Variants in NT5DC1 observed in about 807,000 individuals in gnomAD.
NT5DC1 encodes the protein 5'-nucleotidase domain containing 1.
Under a neutral mutation model 59.4 loss-of-function variants are expected in NT5DC1, and 42 were observed. That is an observed-to-expected ratio of 0.71 (90% confidence interval 0.55 to 0.92). The LOEUF (loss-of-function observed/expected upper bound fraction) is 0.92, where lower values mean the gene tolerates loss of function less well. Ranked by LOEUF, NT5DC1 falls within the 40% of genes least tolerant of loss-of-function variation. NT5DC1 has a pLI of 0.00. For missense variants in NT5DC1, 501 were observed against 537.1 expected, an observed-to-expected ratio of 0.93 and a Z score of 0.66; for synonymous variants, 172 against 188.1, an observed-to-expected ratio of 0.91 and a Z score of 0.70.
chr6:116,162,978 TTAG>T (rs1780371419), intron 6 of NT5DC1, among the ~76,000 whole-genome samples: 1 of 151,460 alleles, frequency 6.6e-6, no homozygotes, highest in African/African-American at 2.4e-5. Context: ...ATACAAAAAA[TTAG>T]CCAGGCGTGG....
At chr6:116,176,034 A>T (rs749214215) in intron 6 of NT5DC1, among the ~76,000 whole-genome samples, 29 of 152,160 alleles carry the variant, frequency 1.9e-4, no homozygotes, top group Non-Finnish European at 3.7e-4. Context: ...TTAGGCACTG[A>T]GGCAAACAGT....
intron 6 of NT5DC1, among the ~76,000 whole-genome samples, chr6:116,123,776 CTTTTCATTTGTTAAGATA>C (rs769466177): frequency 4.2e-4 from 64 of 152,206 alleles, no homozygotes; most frequent in Non-Finnish European, 8.2e-4. Context: ...AGCTTCTGAA[CTTTTCATTTGTTAAGATA>C]TTTTCATTTG....
At chr6:116,140,203 C>G (rs889963157) in intron 6 of NT5DC1, among the ~76,000 whole-genome samples, 5 of 152,164 alleles carry the variant, frequency 3.3e-5, no homozygotes, top group African/African-American at 1.2e-4. Context: ...TATTCCTCTT[C>G]TGTTTAATTT....
intron 8 of NT5DC1, among the ~76,000 whole-genome samples, chr6:116,227,351 A>G (rs1781930581): frequency 6.6e-6 from 1 of 152,060 alleles, no homozygotes; most frequent in Non-Finnish European, 1.5e-5. Flanking sequence ...TATATACCAT[A>G]TTTTCTTTAT....
chr6:116,110,825 A>G lies in NT5DC1; in HGVS notation c.258-25A>G, dbSNP rs371230771. On this transcript the variant is annotated intron_variant, in intron 3 of 11. Transcript: ENST00000319550. ...GGCATTCAAGGAACCATTAATGAGC[A>G]ATGTGCCTCCTCTCTCAAAATCAGG... The G allele has an allele frequency of 5.5e-5, 83 of 1,506,706 alleles. 1 individual carries two copies. The Admixed American group carries it at 6.3e-4, about 12-fold the overall frequency. 93.3% of individuals were successfully genotyped at this position (1,506,706 alleles called of 1,614,324 possible).
intron 6 of NT5DC1, among the ~76,000 whole-genome samples, chr6:116,199,089 C>T (rs1275325839): frequency 6.6e-6 from 1 of 151,974 alleles, no homozygotes; most frequent in Non-Finnish European, 1.5e-5. Context: ...CCTCCACCCA[C>T]CAGAAATTGC....
intron 6 of NT5DC1, among the ~76,000 whole-genome samples, chr6:116,144,273 C>A (rs150489039): frequency 5.3e-5 from 8 of 152,072 alleles, no homozygotes; most frequent in South Asian, 4.1e-4. Flanking sequence ...GAGGCCGAGG[C>A]GGGCGGATCA....
At chr6:116,144,104 C>T (rs560553012) in intron 6 of NT5DC1, among the ~76,000 whole-genome samples, 1 of 152,146 alleles carries the variant, frequency 6.6e-6, no homozygotes. Context: ...TTGGTGGTGT[C>T]GGGTATTCTG....
intron 6 of NT5DC1, among the ~76,000 whole-genome samples, chr6:116,155,320 T>C (rs1203846365): frequency 6.6e-6 from 1 of 152,172 alleles, no homozygotes; most frequent in Non-Finnish European, 1.5e-5. Flanking sequence ...ATCTTTCTTA[T>C]TATTAATGAC....
chr6:116,235,035 G>GTTT (rs60150533), intron 8 of NT5DC1, among the ~76,000 whole-genome samples: 3 of 131,830 alleles, frequency 2.3e-5, no homozygotes, highest in Non-Finnish European at 4.9e-5. Flanking sequence ...CTTGATTTGG[G>GTTT]TTTTTTTTTT....
intron 6 of NT5DC1, among the ~76,000 whole-genome samples, chr6:116,149,889 T>C (rs980059151): frequency 6.6e-6 from 1 of 152,232 alleles, no homozygotes; most frequent in South Asian, 2.1e-4. Context: ...GCATTAGGAC[T>C]TAACGGCTTT....
chr6:116,157,161 G>A (rs984551878), intron 6 of NT5DC1, among the ~76,000 whole-genome samples: 1 of 152,152 alleles, frequency 6.6e-6, no homozygotes, highest in Admixed American at 6.5e-5. Context: ...GGTAATATGT[G>A]TATCCCAGAT....
chr6:116,133,930 T>C (rs1375369938), intron 6 of NT5DC1, among the ~76,000 whole-genome samples: 1 of 152,222 alleles, frequency 6.6e-6, no homozygotes, highest in Non-Finnish European at 1.5e-5. Context: ...TAGTGGTTTT[T>C]TTCCCCCAGT....
At chr6:116,166,022 C>CACTG (rs1780453451) in intron 6 of NT5DC1, among the ~76,000 whole-genome samples, 1 of 152,196 alleles carries the variant, frequency 6.6e-6, no homozygotes, top group Non-Finnish European at 1.5e-5. Flanking sequence ...CCTAAATCCG[C>CACTG]ACTGACAGCA....
chr6:116,213,367 G>A (rs1361267965), intron 6 of NT5DC1, among the ~76,000 whole-genome samples: 2 of 152,052 alleles, frequency 1.3e-5, no homozygotes, highest in Admixed American at 1.3e-4. Context: ...ATTCCTCACA[G>A]CATCTCAGGT....
At chr6:116,197,914 C>T (rs1003582296) in intron 6 of NT5DC1, among the ~76,000 whole-genome samples, 4 of 152,030 alleles carry the variant, frequency 2.6e-5, no homozygotes, top group Non-Finnish European at 5.9e-5. Context: ...AGGAGCTCCA[C>T]AAATAGCTTC....
chr6:116,213,149 T>C (rs960715922), intron 6 of NT5DC1, among the ~76,000 whole-genome samples: 2 of 152,096 alleles, frequency 1.3e-5, no homozygotes, highest in East Asian at 1.9e-4. Flanking sequence ...ATGTCACTTA[T>C]GGATTCTGGG....
chr6:116,180,723 G>A (rs1582857272), intron 6 of NT5DC1, among the ~76,000 whole-genome samples: 1 of 152,096 alleles, frequency 6.6e-6, no homozygotes, highest in East Asian at 1.9e-4. Context: ...AAGGCAATAA[G>A]CAGAATCCAG....
chr6:116,121,152 T>G, intron 6 of NT5DC1: 1 of 1,613,218 alleles, frequency 6.2e-7, no homozygotes, highest in Non-Finnish European at 8.5e-7. Context: ...TGTTCCCCTT[T>G]GGCACCTGGA....
Sources: allele counts gnomAD v4.1 joint callset (sites outside exome capture counted in the v4.1 genomes callset), GRCh38; gene constraint gnomAD v4.1.1; transcripts MANE v1.5; gene names NCBI Gene and HGNC (gene_info 2026-07-23, HGNC 2026-07-21).